PRELID3A: variants seen among roughly 807,000 people sequenced by gnomAD.
The protein encoded by PRELID3A is PRELI domain containing protein 3A.
A neutral mutation model predicts 23.0 loss-of-function variants in PRELID3A; 27 were observed. That is an observed-to-expected ratio of 1.17 (90% CI 0.87 to 1.62). PRELID3A has a LOEUF of 1.62. PRELID3A is among the 40% of genes most tolerant of loss of function. PRELID3A has a pLI of 0.00. For synonymous variants in PRELID3A, 87 were observed against 86.4 expected, an observed-to-expected ratio of 1.01 and a Z score of -0.04; for missense variants, 231 against 231.4, an observed-to-expected ratio of 1.00 and a Z score of 0.01.
At chr18:12,417,339 A>T (rs2029993494) in intron 1 of PRELID3A, among the ~76,000 whole-genome samples, 1 of 151,804 alleles carries the variant, frequency 6.6e-6, no homozygotes, top group African/African-American at 2.4e-5. Context: ...ATGCCTGGCT[A>T]ATTTTTGTAT....
intron 1 of PRELID3A, chr18:12,420,093 A>T (rs1156973811): frequency 1.4e-6 from 2 of 1,404,640 alleles, no homozygotes; most frequent in Non-Finnish European, 1.9e-6. Flanking sequence ...CGACAGAGTG[A>T]GACCCTGTCT....
At chr18:12,426,150 A>ATCGAGACC (rs2030355376) in intron 3 of PRELID3A, among the ~76,000 whole-genome samples, 2 of 151,272 alleles carry the variant, frequency 1.3e-5, no homozygotes, top group African/African-American at 4.9e-5. Context: ...GAGGCAGGGG[A>ATCGAGACC]ATCACTTCAA....
intron 1 of PRELID3A, among the ~76,000 whole-genome samples, chr18:12,408,756 T>G (rs1598852918): frequency 6.9e-6 from 1 of 144,364 alleles, no homozygotes; most frequent in African/African-American, 2.7e-5. Flanking sequence ...CTCTGAAGGG[T>G]GAGGGGGTGG....
intron 3 of PRELID3A, among the ~76,000 whole-genome samples, chr18:12,422,984 G>T (rs369585767): frequency 1.3e-5 from 2 of 152,148 alleles, no homozygotes; most frequent in Non-Finnish European, 2.9e-5. Context: ...GGAATGCAAG[G>T]ATTAAGATAT....
At position 12,431,906 on chromosome 18, in the gene PRELID3A, C is replaced by G. The variant is rs1390119894; in HGVS notation, c.*790C>G. The G allele has an allele frequency of 6.6e-6, 1 of 152,228 alleles. No homozygotes were observed. The highest frequency in any genetic ancestry group is 1.5e-5 in the Non-Finnish European group (1 of 68,054). The allele number at this position is 152,228 out of a possible 1,614,324, so 9.4% of individuals were successfully genotyped here. On this transcript the variant is annotated 3_prime_UTR_variant, in exon 7 of 7. Coordinates refer to ENST00000440960, the MANE Select transcript of PRELID3A (RefSeq NM_001142405.2). ...CTGCTGGGGCTGGAGGCCATGGATC[C>G]CTCATAGTATCCAAGGTTTGAGTTC...
At chr18:12,427,368 A>G in intron 5 of PRELID3A, 45 bp downstream of exon 5, 1 of 1,345,182 alleles carries the variant, frequency 7.4e-7, no homozygotes, top group Non-Finnish European at 1.1e-6. Context: ...TCTAGTTGTT[A>G]AGTGCCAGAT....
At chr18:12,412,086 A>G (rs1909937648) in intron 1 of PRELID3A, among the ~76,000 whole-genome samples, 1 of 149,144 alleles carries the variant, frequency 6.7e-6, no homozygotes, top group Non-Finnish European at 1.5e-5. Context: ...ACTTTTTTGT[A>G]TTTTTAGTTT....
chr18:12,427,393 T>G (rs2030416488), intron 5 of PRELID3A, 70 bp downstream of exon 5: 1 of 1,194,310 alleles, frequency 8.4e-7, no homozygotes, highest in South Asian at 1.3e-5. Context: ...AATATGACAT[T>G]TTTAGTCTCA....
intron 1 of PRELID3A, among the ~76,000 whole-genome samples, chr18:12,410,211 G>A (rs1909863331): frequency 1.3e-5 from 2 of 152,196 alleles, no homozygotes; most frequent in South Asian, 2.1e-4. Context: ...CTGGCACCCC[G>A]CCGGGGCCCG....
In PRELID3A at chr18:12,430,756, A is replaced by C. The variant is rs62654108; in HGVS notation, c.*34-394A>C. Among the ~76,000 whole-genome samples the C allele has an allele frequency of 7.7e-3, 698 of 90,502 alleles. 4 individuals carry two copies. The highest frequency in any genetic ancestry group is 0.012 in the Non-Finnish European group (490 of 41,036). 59.4% of individuals were successfully genotyped at this position (90,502 alleles called of 152,430 possible). On this transcript the variant is annotated intron_variant, in intron 6 of 6. Transcript: ENST00000440960. Reference sequence around the variant, plus strand: ...ATGTGTATGTGTGTGGTGTGTGTGCATGTGTGTGATGTGTGTGCATGCGTG... The same window carrying C: ...ATGTGTATGTGTGTGGTGTGTGTGCCTGTGTGTGATGTGTGTGCATGCGTG...
intron 1 of PRELID3A, among the ~76,000 whole-genome samples, chr18:12,415,223 C>T (rs2029906309): frequency 6.6e-6 from 1 of 151,560 alleles, no homozygotes; most frequent in African/African-American, 2.4e-5. Context: ...AGCCAACACA[C>T]CTGGTCTGCC....
Position 12,427,702 on chromosome 18 carries a change from AT to A in PRELID3A, c.465+380del, listed in dbSNP as rs200709814. ...ATGAGACTCTGTCTTAAAAAAAAAAATAAAAATAAAAATAAAAAATAAATAA... is the reference window on the plus strand; with the variant it reads ...ATGAGACTCTGTCTTAAAAAAAAAAAAAAAATAAAAATAAAAAATAAATAA... On this transcript the variant is annotated intron_variant, in intron 5 of 6. Coordinates refer to ENST00000440960, the MANE Select transcript of PRELID3A (RefSeq NM_001142405.2). 1.4e-3 allele frequency among the ~76,000 whole-genome samples: 205 copies of A among 151,626 alleles called. 1 individual carries two copies. Among genetic ancestry groups the A allele is most frequent in the African/African-American group, 4.7e-3 (192 of 41,240 alleles).
intron 1 of PRELID3A, among the ~76,000 whole-genome samples, chr18:12,414,342 A>G (rs910715331): frequency 6.6e-6 from 1 of 152,210 alleles, no homozygotes; most frequent in East Asian, 1.9e-4. Flanking sequence ...ACCACATGCA[A>G]TTTGGAGCCC....
intron 6 of PRELID3A, among the ~76,000 whole-genome samples, chr18:12,430,098 TG>T (rs2030518993): frequency 6.6e-6 from 1 of 152,226 alleles, no homozygotes; most frequent in Admixed American, 6.5e-5. Flanking sequence ...CCCGTGTGTG[TG>T]GGTTCGGGGA....
intron 2 of PRELID3A, 48 bp downstream of exon 2, chr18:12,420,541 TCCCG>T: frequency 3.5e-6 from 5 of 1,433,710 alleles, no homozygotes; most frequent in Non-Finnish European, 4.6e-6. Flanking sequence ...ACTCCCCCAC[TCCCG>T]CCCCCGCCCT....
intron 3 of PRELID3A, among the ~76,000 whole-genome samples, chr18:12,425,462 TACAA>T (rs2030325591): frequency 1.6e-5 from 1 of 61,816 alleles, no homozygotes. Context: ...CTACTAAAAA[TACAA>T]AAAAAAAAAA....
chr18:12,411,294 TAA>T, intron 1 of PRELID3A, among the ~76,000 whole-genome samples: 1 of 144,314 alleles, frequency 6.9e-6, no homozygotes, highest in East Asian at 2.0e-4. Context: ...CTGTCTCTAC[TAA>T]AAAATAAAAA....
rs778446694 is a variant in PRELID3A, at chr18:12,420,334, G to A, written c.42G>A (p.Trp14Ter). 1.2e-6 allele frequency: 2 copies of A among 1,608,824 alleles called. No homozygotes were observed. Among genetic ancestry groups the A allele is most frequent in the Non-Finnish European group, 1.7e-6 (2 of 1,178,234 alleles). ...TATGCTCTCCCCGCAGCCACCCGTG[G>A]GACACGGTCATCCAGGCGGCCATGC... is the stretch of plus-strand genomic sequence containing the variant. ...WSSEHVFGHP[W>*]DTVIQAAMRK... The change falls in exon 2 of 7, where the codon TGG (tryptophan) becomes TGA (stop). Residue 14 changes from tryptophan to a stop codon, truncating the protein, a stop_gained. Transcript: ENST00000440960. LOFTEE classifies it high-confidence loss of function.
At chr18:12,412,750 A>C (rs1050439042) in intron 1 of PRELID3A, among the ~76,000 whole-genome samples, 2 of 152,200 alleles carry the variant, frequency 1.3e-5, no homozygotes, top group Admixed American at 1.3e-4. Context: ...GCAAAACCCT[A>C]AACAGTTTTG....
Sources: gnomAD v4.1 joint callset for allele counts (sites outside exome capture counted in the v4.1 genomes callset) on GRCh38, gnomAD v4.1.1 for gene constraint, MANE v1.5 for transcripts, NCBI Gene and HGNC (gene_info 2026-07-23, HGNC 2026-07-21) for gene names.